Variants in AFG2A observed in about 807,000 individuals in gnomAD.
The protein encoded by AFG2A is AAA ATPase AFG2A.
chr4:123,206,452 G>A, the AFG2A span, among the ~76,000 whole-genome samples: 2 of 152,050 alleles, frequency 1.3e-5, no homozygotes, highest in Non-Finnish European at 2.9e-5. Flanking sequence ...CACCTGATTA[G>A]TGCTGCAGAC....
chr4:123,003,718 G>A, the AFG2A span, among the ~76,000 whole-genome samples: 36 of 152,212 alleles, frequency 2.4e-4, no homozygotes, highest in South Asian at 4.0e-3. Context: ...TGCCCCTACT[G>A]GGGGGTGCCT....
chr4:123,287,325 A>G, the AFG2A span, among the ~76,000 whole-genome samples: 1 of 152,184 alleles, frequency 6.6e-6, no homozygotes, highest in Non-Finnish European at 1.5e-5. Flanking sequence ...GCACACTTCA[A>G]CTCAATAGTA....
chr4:123,096,741 A>G, the AFG2A span, among the ~76,000 whole-genome samples: 7 of 152,202 alleles, frequency 4.6e-5, no homozygotes, highest in East Asian at 1.4e-3. Context: ...ACTTTAAGCC[A>G]TCTATGGAAA....
the AFG2A span, among the ~76,000 whole-genome samples, chr4:123,010,743 C>T: frequency 6.6e-6 from 1 of 152,180 alleles, no homozygotes; most frequent in African/African-American, 2.4e-5. Context: ...CGTAGGCTTG[C>T]TTACTTCTGA....
At chr4:123,058,778 G>A in the AFG2A span, among the ~76,000 whole-genome samples, 1 of 150,406 alleles carries the variant, frequency 6.6e-6, no homozygotes, top group Non-Finnish European at 1.5e-5. Flanking sequence ...TTCAAGATGA[G>A]ATTTGGGTGG....
At chr4:123,019,297 C>A in the AFG2A span, among the ~76,000 whole-genome samples, 5 of 144,202 alleles carry the variant, frequency 3.5e-5, no homozygotes, top group East Asian at 4.1e-4. Flanking sequence ...TTTTTTTTTA[C>A]CAAGTTCTAA....
the AFG2A span, among the ~76,000 whole-genome samples, chr4:123,161,857 A>G: frequency 2.4e-3 from 364 of 152,324 alleles, no homozygotes; most frequent in South Asian, 5.0e-3. Context: ...ATTGTAATGT[A>G]TAAAGAAAAG....
the AFG2A span, among the ~76,000 whole-genome samples, chr4:122,937,298 C>A: frequency 6.0e-4 from 92 of 152,128 alleles, no homozygotes; most frequent in Non-Finnish European, 1.1e-3. Flanking sequence ...TGATCCTCCC[C>A]CTGTAGCCTC....
At chr4:123,201,396 A>G in the AFG2A span, among the ~76,000 whole-genome samples, 18 of 152,220 alleles carry the variant, frequency 1.2e-4, no homozygotes, top group Admixed American at 6.5e-4. Flanking sequence ...CGACAAAAAC[A>G]CCAATCACTA....
chr4:123,223,088 A>G, the AFG2A span, among the ~76,000 whole-genome samples: 1 of 152,110 alleles, frequency 6.6e-6, no homozygotes, highest in Non-Finnish European at 1.5e-5. Flanking sequence ...TGGTAATTCT[A>G]TTTTAATTTT....
chr4:123,040,157 A>G, the AFG2A span, among the ~76,000 whole-genome samples: 2 of 152,216 alleles, frequency 1.3e-5, no homozygotes, highest in East Asian at 3.9e-4. Flanking sequence ...TTGGACATGT[A>G]CGCTTCAACA....
At chr4:123,041,277 A>ATTTTTTTTTTTTTT in the AFG2A span, among the ~76,000 whole-genome samples, 995 of 117,152 alleles carry the variant, frequency 8.5e-3, no homozygotes, top group Non-Finnish European at 0.013. Flanking sequence ...CGCCCAGCTA[A>ATTTTTTTTTTTTTT]TTTTTTTTTT....
chr4:122,936,584 C>T, the AFG2A span, among the ~76,000 whole-genome samples: 1 of 152,204 alleles, frequency 6.6e-6, no homozygotes, highest in Non-Finnish European at 1.5e-5. Context: ...GTGGCTCATG[C>T]CTGTAATACC....
chr4:123,198,448 C>T, the AFG2A span, among the ~76,000 whole-genome samples: 2,345 of 152,246 alleles, frequency 0.015, 75 homozygotes, highest in African/African-American at 0.053. Context: ...GTCTCCCCTA[C>T]GGTCTTTAAC....
the AFG2A span, among the ~76,000 whole-genome samples, chr4:122,970,551 T>C: frequency 6.6e-6 from 1 of 150,396 alleles, no homozygotes; most frequent in African/African-American, 2.4e-5. Context: ...TGTAAATCTT[T>C]TATACTGTAT....
the AFG2A span, among the ~76,000 whole-genome samples, chr4:123,228,779 T>C: frequency 6.6e-6 from 1 of 152,118 alleles, no homozygotes; most frequent in South Asian, 2.1e-4. Context: ...AAACCAGATA[T>C]GATTAACATA....
the AFG2A span, among the ~76,000 whole-genome samples, chr4:123,278,598 G>A: frequency 6.6e-6 from 1 of 152,090 alleles, no homozygotes; most frequent in African/African-American, 2.4e-5. Context: ...TTAATGCTAT[G>A]AACTTCCCTC....
At chr4:123,121,816 G>T in the AFG2A span, among the ~76,000 whole-genome samples, 2 of 152,180 alleles carry the variant, frequency 1.3e-5, no homozygotes, top group Non-Finnish European at 2.9e-5. Context: ...TTGGCCAAAT[G>T]TACTATTTTG....
the AFG2A span, among the ~76,000 whole-genome samples, chr4:123,135,700 A>G: frequency 6.6e-6 from 1 of 152,236 alleles, no homozygotes; most frequent in Admixed American, 6.5e-5. Context: ...TCTAGCGATC[A>G]TTTAAAGTAT....
Sources: gnomAD v4.1 joint callset for allele counts (sites outside exome capture counted in the v4.1 genomes callset) on GRCh38, gnomAD v4.1.1 for gene constraint, MANE v1.5 for transcripts, NCBI Gene and HGNC (gene_info 2026-07-23, HGNC 2026-07-21) for gene names.